The following DOCK4 variants were observed in gnomAD, a reference collection of about 807,000 sequenced individuals.
The protein encoded by DOCK4 is dedicator of cytokinesis 4, also known as dedicator of cytokinesis protein 4.
Under a neutral mutation model 268.1 loss-of-function variants are expected in DOCK4, and 97 were observed. The ratio of observed to expected loss-of-function variants is 0.36; its 90% confidence interval spans 0.31 to 0.43. DOCK4 has a LOEUF of 0.43. Among genes scored for constraint, DOCK4 ranks in the 20% least tolerant of loss-of-function variants. The probability of loss-of-function intolerance (pLI) is 1.00; values close to 1 mark genes in which losing one functional copy is unlikely to be tolerated. For missense variants in DOCK4, 2,145 were observed against 2,455.7 expected (o/e 0.87, Z 2.67); for synonymous variants, 954 against 887.2 (o/e 1.08, Z -1.34).
intron 42 of DOCK4, among the ~76,000 whole-genome samples, chr7:111,751,334 G>A (rs2133514351): frequency 6.6e-6 from 1 of 152,262 alleles, no homozygotes; most frequent in African/African-American, 2.4e-5. Context: ...AATAAGGAAA[G>A]TGATGCAAGG....
At chr7:112,033,107 A>G (rs771396088) in intron 1 of DOCK4, among the ~76,000 whole-genome samples, 2 of 152,212 alleles carry the variant, frequency 1.3e-5, no homozygotes, top group Non-Finnish European at 2.9e-5. Context: ...CAATTTTTAT[A>G]CTGCACATAT....
At chr7:112,065,768 T>C (rs1030495708) in intron 1 of DOCK4, among the ~76,000 whole-genome samples, 2 of 152,098 alleles carry the variant, frequency 1.3e-5, no homozygotes, top group Admixed American at 6.5e-5. Flanking sequence ...GACACTTTTG[T>C]GTCATGACAG....
At chr7:112,096,103 A>T (rs986835323) in intron 1 of DOCK4, among the ~76,000 whole-genome samples, 4 of 152,180 alleles carry the variant, frequency 2.6e-5, no homozygotes, top group African/African-American at 7.2e-5. Context: ...TAATAAATAA[A>T]TAAATAATTA....
Position 112,055,559 on chromosome 7 carries a change from T to C in DOCK4, c.38-51428A>G, listed in dbSNP as rs144705644. 9.4e-3 allele frequency among the ~76,000 whole-genome samples: 1,428 copies of C among 152,192 alleles called. 9 individuals are homozygous for C. The highest frequency in any genetic ancestry group is 0.024 in the South Asian group (118 of 4,830). ...ATCATCATAAGCAGACAACAATGAA[T>C]GAAACGTTATTTGAGGACCTGTTGT... On this transcript the variant is annotated intron_variant, in intron 1 of 52. Transcript: ENST00000428084.
At chr7:112,175,817 C>G (rs888982873) in intron 1 of DOCK4, among the ~76,000 whole-genome samples, 3 of 151,998 alleles carry the variant, frequency 2.0e-5, no homozygotes, top group Non-Finnish European at 2.9e-5. Context: ...CCCCCATCCC[C>G]TTTTTAATCT....
intron 32 of DOCK4, among the ~76,000 whole-genome samples, chr7:111,786,671 A>C (rs1302263373): frequency 6.6e-6 from 1 of 152,198 alleles, no homozygotes; most frequent in Non-Finnish European, 1.5e-5. Context: ...AACAAATTTT[A>C]AGAGGTTTTA....
chr7:111,854,819 C>A (rs1324123376), intron 23 of DOCK4, among the ~76,000 whole-genome samples: 1 of 152,168 alleles, frequency 6.6e-6, no homozygotes, highest in Admixed American at 6.5e-5. Flanking sequence ...GTGATCAAGG[C>A]AAATAAAGTC....
At chr7:111,868,179 T>G in intron 21 of DOCK4, 25 bp from the exon 22 acceptor site, 3 of 1,541,836 alleles carry the variant, frequency 1.9e-6, no homozygotes, top group Non-Finnish European at 2.6e-6. Context: ...TTTTAAAAGT[T>G]AGCTTCAAAG....
intron 35 of DOCK4, 118 bp from the exon 36 acceptor site, chr7:111,778,487 G>A (rs1239457242): frequency 3.8e-6 from 2 of 520,728 alleles, no homozygotes; most frequent in East Asian, 3.3e-5. Context: ...ATTTTTCCAT[G>A]TAAATATCTC....
chr7:111,758,851 G>C (rs1797205573), intron 40 of DOCK4, 61 bp from the exon 41 acceptor site: 2 of 1,532,598 alleles, frequency 1.3e-6, no homozygotes, highest in East Asian at 4.5e-5. Context: ...GTCTGGCTTG[G>C]GCTGAGCTAT....
intron 1 of DOCK4, among the ~76,000 whole-genome samples, chr7:112,126,421 A>G (rs1450062785): frequency 6.6e-6 from 1 of 152,170 alleles, no homozygotes; most frequent in African/African-American, 2.4e-5. Context: ...CTGACTTCCA[A>G]TTCCTCATAT....
In DOCK4 at chr7:111,810,145, T is replaced by C. The variant is rs568984278; in HGVS notation, c.3007-744A>G. ...AAAAAGAATATAATAAAACCCTAAG[T>C]AAAATAATGAATAAAAGTCAAGAAC... On this transcript the variant is annotated intron_variant, in intron 28 of 52. Transcript: ENST00000428084. Among the ~76,000 whole-genome samples, 5 of 152,134 alleles carry C rather than the reference T, an allele frequency of 3.3e-5. No homozygotes were observed. The East Asian group carries it at 7.7e-4, about 24-fold the overall frequency.
intron 8 of DOCK4, among the ~76,000 whole-genome samples, chr7:111,952,939 T>C (rs1241046358): frequency 6.6e-6 from 1 of 152,164 alleles, no homozygotes; most frequent in African/African-American, 2.4e-5. Context: ...AATTGAACTA[T>C]GCTAATCTGG....
intron 12 of DOCK4, among the ~76,000 whole-genome samples, chr7:111,922,451 T>C (rs1196907585): frequency 6.6e-6 from 1 of 152,218 alleles, no homozygotes; most frequent in Non-Finnish European, 1.5e-5. Context: ...TTCTGGGAAC[T>C]TGGATCTTTT....
intron 12 of DOCK4, among the ~76,000 whole-genome samples, chr7:111,925,789 A>C (rs1020659438): frequency 6.6e-6 from 1 of 152,180 alleles, no homozygotes; most frequent in African/African-American, 2.4e-5. Flanking sequence ...TTTAAAATGA[A>C]AAGAAAGAAA....
intron 1 of DOCK4, among the ~76,000 whole-genome samples, chr7:112,141,652 T>C (rs1348254344): frequency 2.6e-5 from 4 of 152,188 alleles, no homozygotes; most frequent in Non-Finnish European, 5.9e-5. Flanking sequence ...GAACATGGAT[T>C]GATGTATAAT....
chr7:112,172,977 C>T (rs1232728628), intron 1 of DOCK4, among the ~76,000 whole-genome samples: 2 of 152,180 alleles, frequency 1.3e-5, no homozygotes, highest in Non-Finnish European at 2.9e-5. Context: ...CAGATCTGAA[C>T]AAACCAGAAA....
At chr7:111,879,081 C>T (rs1422824305) in intron 16 of DOCK4, among the ~76,000 whole-genome samples, 1 of 151,866 alleles carries the variant, frequency 6.6e-6, no homozygotes. Flanking sequence ...CTTCTTTCTG[C>T]TTGAGGAGAG....
At chr7:111,771,150 C>T (rs918039771) in intron 36 of DOCK4, among the ~76,000 whole-genome samples, 2 of 152,234 alleles carry the variant, frequency 1.3e-5, no homozygotes, top group African/African-American at 4.8e-5. Context: ...AAATTTAGGC[C>T]TCCTACAGTG....
Sources: allele counts gnomAD v4.1 joint callset (sites outside exome capture counted in the v4.1 genomes callset), GRCh38; gene constraint gnomAD v4.1.1; transcripts MANE v1.5; gene names NCBI Gene and HGNC (gene_info 2026-07-23, HGNC 2026-07-21).